The following CLVS1 variants were observed in gnomAD, a reference collection of about 807,000 sequenced individuals.
The protein encoded by CLVS1 is clavesin-1.
In CLVS1, 10 loss-of-function variants were observed where a neutral mutation model predicts 33.1. The observed-to-expected ratio is 0.30, with a 90% confidence interval of 0.19 to 0.51. The LOEUF (loss-of-function observed/expected upper bound fraction) is 0.51, where lower values mean the gene tolerates loss of function less well. Among genes scored for constraint, CLVS1 ranks in the 20% least tolerant of loss-of-function variants. The probability of loss-of-function intolerance (pLI) is 0.97; values close to 1 mark genes in which losing one functional copy is unlikely to be tolerated. For synonymous variants in CLVS1, 163 were observed against 166.1 expected (o/e 0.98, Z 0.14); for missense variants, 343 against 433.4 (o/e 0.79, Z 1.85).
intron 3 of CLVS1, among the ~76,000 whole-genome samples, chr8:61,425,129 A>G (rs1366711211): frequency 6.6e-6 from 1 of 152,202 alleles, no homozygotes; most frequent in Non-Finnish European, 1.5e-5. Context: ...CAAATTTATC[A>G]ATAAATGTTT....
chr8:61,251,167 G>A lies in CLVS1; in HGVS notation c.-151-48510G>A, dbSNP rs560289738. 3.1e-4 allele frequency among the ~76,000 whole-genome samples: 47 copies of A among 152,282 alleles called. 1 individual carries two copies. Among genetic ancestry groups the A allele is most frequent in the Middle Eastern group, 6.8e-3 (2 of 294 alleles). ...CTAAGGCCTTTTCTGCATCTATTGA[G>A]ATAATCATGTGGTTTTTGTCATTGG... On this transcript the variant is annotated intron_variant, in intron 2 of 2. Coordinates refer to the CLVS1 transcript ENST00000522621.
At chr8:60,969,597 C>A in the CLVS1 span, among the ~76,000 whole-genome samples, 3 of 152,114 alleles carry the variant, frequency 2.0e-5, no homozygotes, top group Non-Finnish European at 4.4e-5. Flanking sequence ...TCTCTGGGAT[C>A]CCCTTGGCCA....
chr8:61,069,724 T>C (rs1804755757), intron 1 of CLVS1, among the ~76,000 whole-genome samples: 1 of 152,240 alleles, frequency 6.6e-6, no homozygotes, highest in Admixed American at 6.5e-5. Flanking sequence ...AGTGTTGCTC[T>C]TGCAAGTCCT....
chr8:61,332,176 A>C (rs949009916), intron 2 of CLVS1, among the ~76,000 whole-genome samples: 1 of 152,192 alleles, frequency 6.6e-6, no homozygotes, highest in African/African-American at 2.4e-5. Flanking sequence ...GGAAGGGAGC[A>C]GGTGGTTTCT....
intron 3 of CLVS1, among the ~76,000 whole-genome samples, chr8:61,399,292 T>A (rs2581545): frequency 2.6e-5 from 4 of 152,230 alleles, no homozygotes; most frequent in Non-Finnish European, 1.5e-5. Context: ...TGATCAGTGA[T>A]GTTAAGCTGT....
chr8:60,972,677 G>A, the CLVS1 span, among the ~76,000 whole-genome samples: 2 of 152,038 alleles, frequency 1.3e-5, no homozygotes, highest in Non-Finnish European at 2.9e-5. Context: ...CTCCTTTGTG[G>A]CCCCCACCCA....
At chr8:61,174,828 A>G (rs1050815045) in intron 2 of CLVS1, among the ~76,000 whole-genome samples, 4 of 90,494 alleles carry the variant, frequency 4.4e-5, no homozygotes, top group Admixed American at 2.5e-4. Flanking sequence ...GGTGAAATGT[A>G]TTGAAATTTT....
chr8:61,008,094 G>A, the CLVS1 span, among the ~76,000 whole-genome samples: 11 of 152,172 alleles, frequency 7.2e-5, no homozygotes, highest in African/African-American at 2.7e-4. Flanking sequence ...GAAGAAAGAG[G>A]AGGAATGGGC....
At chr8:61,451,904 C>G (rs144802503) in intron 3 of CLVS1, among the ~76,000 whole-genome samples, 1 of 151,954 alleles carries the variant, frequency 6.6e-6, no homozygotes, top group East Asian at 1.9e-4. Context: ...TGCACATTGC[C>G]TTTATCAGAC....
intron 2 of CLVS1, among the ~76,000 whole-genome samples, chr8:61,359,528 G>T (rs1189086141): frequency 1.3e-5 from 2 of 151,972 alleles, no homozygotes; most frequent in African/African-American, 4.8e-5. Context: ...GCTAATTTTT[G>T]TATTTTTAGT....
At chr8:61,335,947 G>A (rs989699102) in intron 2 of CLVS1, among the ~76,000 whole-genome samples, 4 of 152,164 alleles carry the variant, frequency 2.6e-5, no homozygotes, top group Non-Finnish European at 4.4e-5. Context: ...AATATGCTGG[G>A]TGAGGGACAC....
At chr8:61,266,417 C>T (rs1399796941) in intron 2 of CLVS1, among the ~76,000 whole-genome samples, 1 of 151,936 alleles carries the variant, frequency 6.6e-6, no homozygotes, top group East Asian at 1.9e-4. Context: ...CCTTTTCTTC[C>T]CCCAGGCCAA....
chr8:61,383,994 A>T (rs1263990916), intron 3 of CLVS1, among the ~76,000 whole-genome samples: 7 of 152,228 alleles, frequency 4.6e-5, no homozygotes, highest in Non-Finnish European at 2.9e-5. Context: ...GTACCAAGCT[A>T]ATAAAATCCC....
At chr8:61,066,598 C>T (rs1179288013) in intron 1 of CLVS1, among the ~76,000 whole-genome samples, 1 of 152,220 alleles carries the variant, frequency 6.6e-6, no homozygotes, top group Non-Finnish European at 1.5e-5. Context: ...CACCTCCTCC[C>T]AATACATTTC....
intron 1 of CLVS1, among the ~76,000 whole-genome samples, chr8:61,104,425 T>C (rs899381417): frequency 6.6e-6 from 1 of 152,214 alleles, no homozygotes; most frequent in African/African-American, 2.4e-5. Context: ...AAATCCAGGG[T>C]AATTTCTTGT....
intron 3 of CLVS1, among the ~76,000 whole-genome samples, chr8:61,380,366 C>T (rs1019144453): frequency 1.3e-5 from 2 of 152,130 alleles, no homozygotes; most frequent in Admixed American, 6.5e-5. Flanking sequence ...TATTGAAGGC[C>T]TCTCTTTAGG....
rs1431063883 is a variant in CLVS1 at position 61,499,584 on chromosome 8, G to A, written c.*42G>A. ...ATGCTCCTGCACACTGGCCTTCAGT[G>A]GTATCAGCCACCCAGGAAGCACATG... is the stretch of plus-strand genomic sequence containing the variant. On this transcript the variant is annotated 3_prime_UTR_variant, in exon 6 of 6. Coordinates refer to ENST00000325897, the MANE Select transcript of CLVS1 (RefSeq NM_173519.3). 2.7e-6 allele frequency: 4 copies of A among 1,479,454 alleles called. No homozygotes were observed. The Admixed American group carries it at 5.0e-5, about 19-fold the overall frequency. The allele number at this position is 1,479,454 out of a possible 1,614,324, so 91.6% of individuals were successfully genotyped here.
At chr8:61,385,731 A>G (rs554058043) in intron 3 of CLVS1, among the ~76,000 whole-genome samples, 2 of 152,286 alleles carry the variant, frequency 1.3e-5, no homozygotes, top group East Asian at 3.9e-4. Context: ...TTTTTTCATA[A>G]TGTAACAGTG....
At chr8:61,131,942 G>T (rs1806106938) in intron 2 of CLVS1, 1 of 152,238 alleles carries the variant, frequency 6.6e-6, no homozygotes. Context: ...TATTAATGGA[G>T]GCTCTTCCCC....
Sources: allele counts gnomAD v4.1 joint callset (sites outside exome capture counted in the v4.1 genomes callset), GRCh38; gene constraint gnomAD v4.1.1; transcripts MANE v1.5; gene names NCBI Gene and HGNC (gene_info 2026-07-23, HGNC 2026-07-21).